The following CSMD1 variants were observed in gnomAD, a reference collection of about 807,000 sequenced individuals.
CSMD1 encodes CUB and Sushi multiple domains 1.
Under a neutral mutation model 417.5 loss-of-function variants are expected in CSMD1, and 213 were observed. The observed-to-expected ratio is 0.51, with a 90% confidence interval of 0.46 to 0.57. CSMD1 has a LOEUF of 0.57. Ranked by LOEUF, CSMD1 falls within the 20% of genes least tolerant of loss-of-function variation. CSMD1 has a pLI of 0.00. For missense variants in CSMD1, 6,923 were observed against 4,529.7 expected, an observed-to-expected ratio of 1.53 and a Z score of -15.17; for synonymous variants, 2,862 against 1,736.8, an observed-to-expected ratio of 1.65 and a Z score of -16.11.
At chr8:4,640,389 C>G (rs1767343370) in intron 1 of CSMD1, among the ~76,000 whole-genome samples, 1 of 152,100 alleles carries the variant, frequency 6.6e-6, no homozygotes, top group Non-Finnish European at 1.5e-5. Context: ...TATTATAAAG[C>G]CACCGTGATT....
At chr8:4,435,746 G>C (rs890690022) in intron 2 of CSMD1, among the ~76,000 whole-genome samples, 1 of 152,100 alleles carries the variant, frequency 6.6e-6, no homozygotes, top group South Asian at 2.1e-4. Context: ...TTGGCCATGT[G>C]GCTACAATAA....
At chr8:4,378,479 T>C (rs1466158708) in intron 3 of CSMD1, among the ~76,000 whole-genome samples, 2 of 152,192 alleles carry the variant, frequency 1.3e-5, no homozygotes, top group African/African-American at 4.8e-5. Flanking sequence ...TCCCTAGTTT[T>C]TATCCCCTTT....
intron 3 of CSMD1, among the ~76,000 whole-genome samples, chr8:4,182,818 C>G (rs1433065008): frequency 1.3e-5 from 2 of 152,006 alleles, no homozygotes; most frequent in East Asian, 3.9e-4. Context: ...TTAAAACATG[C>G]AATTATAAGG....
intron 50 of CSMD1, among the ~76,000 whole-genome samples, chr8:3,031,974 G>GTATA (rs60178259): frequency 0.26 from 38,268 of 146,444 alleles, 5,054 homozygotes; most frequent in East Asian, 0.32. Flanking sequence ...GTATGTGTGT[G>GTATA]TATATATATA....
intron 3 of CSMD1, among the ~76,000 whole-genome samples, chr8:4,315,727 T>C (rs1798884145): frequency 6.6e-6 from 1 of 152,174 alleles, no homozygotes; most frequent in Non-Finnish European, 1.5e-5. Context: ...GATTGAGCTG[T>C]GCAAAAAAGA....
chr8:3,293,472 G>A (rs34604061), intron 25 of CSMD1, among the ~76,000 whole-genome samples: 26,848 of 152,108 alleles, frequency 0.18, 2,880 homozygotes, highest in Non-Finnish European at 0.25. Flanking sequence ...CCAATCAGAC[G>A]TAGATTCGGT....
At chr8:4,904,012 C>A (rs997856040) in intron 1 of CSMD1, among the ~76,000 whole-genome samples, 1 of 152,004 alleles carries the variant, frequency 6.6e-6, no homozygotes, top group Non-Finnish European at 1.5e-5. Flanking sequence ...GTATTTATTT[C>A]TTTTATTTTA....
At chr8:3,792,369 T>C (rs1235197355) in intron 5 of CSMD1, among the ~76,000 whole-genome samples, 9 of 152,214 alleles carry the variant, frequency 5.9e-5, no homozygotes, top group Non-Finnish European at 1.0e-4. Flanking sequence ...ATTATGATCA[T>C]TAATGTAGCC....
rs552755110 is a variant in CSMD1 at position 3,777,872 on chromosome 8, C to T, written c.819-23830G>A. 6.9e-3 allele frequency among the ~76,000 whole-genome samples: 1,018 copies of T among 147,560 alleles called. 22 individuals carry two copies. The highest frequency in any genetic ancestry group is 0.024 in the African/African-American group (942 of 38,966). ...AGAGTCTCAGTTCCCACTCCAGACC[C>T]GCAGTCTCCTTGAAGCGCAGAGTCT... is the stretch of plus-strand genomic sequence containing the variant. On this transcript the variant is annotated intron_variant, in intron 5 of 69. Coordinates refer to ENST00000635120, the MANE Select transcript of CSMD1 (RefSeq NM_033225.6).
chr8:4,536,202 T>A (rs923858071), intron 2 of CSMD1, among the ~76,000 whole-genome samples: 1 of 152,196 alleles, frequency 6.6e-6, no homozygotes, highest in Non-Finnish European at 1.5e-5. Context: ...TTTTTAACGA[T>A]GCTTTTGCAT....
chr8:2,992,992 CA>C (rs916669589), intron 54 of CSMD1, among the ~76,000 whole-genome samples: 2 of 152,182 alleles, frequency 1.3e-5, no homozygotes, highest in African/African-American at 4.8e-5. Context: ...CTCAGCCTCC[CA>C]AAGTGCTGGG....
intron 7 of CSMD1, among the ~76,000 whole-genome samples, chr8:3,705,040 A>C (rs1801088229): frequency 1.3e-5 from 2 of 152,208 alleles, no homozygotes; most frequent in Non-Finnish European, 2.9e-5. Flanking sequence ...TTCTATCACC[A>C]TGACAGGGTC....
intron 5 of CSMD1, among the ~76,000 whole-genome samples, chr8:3,892,986 T>G (rs1814722271): frequency 6.6e-6 from 1 of 151,626 alleles, no homozygotes; most frequent in South Asian, 2.1e-4. Context: ...AAATATGACA[T>G]AACAATCATG....
chr8:3,566,486 G>A (rs368363893), intron 10 of CSMD1, among the ~76,000 whole-genome samples: 1 of 151,904 alleles, frequency 6.6e-6, no homozygotes, highest in East Asian at 1.9e-4. Flanking sequence ...AGCCCCTCCT[G>A]GTGTGCTGTC....
chr8:4,534,440 A>T (rs190891251), intron 2 of CSMD1, among the ~76,000 whole-genome samples: 1 of 152,062 alleles, frequency 6.6e-6, no homozygotes, highest in Non-Finnish European at 1.5e-5. Context: ...AGTATTTACA[A>T]CTCATTAATA....
At chr8:3,247,156 T>C (rs34020985) in intron 26 of CSMD1, among the ~76,000 whole-genome samples, 27,954 of 152,096 alleles carry the variant, frequency 0.18, 2,816 homozygotes, top group Admixed American at 0.22. Context: ...GTTTGTGGGA[T>C]GCAGGGCAAG....
intron 3 of CSMD1, among the ~76,000 whole-genome samples, chr8:4,418,803 C>T (rs764290240): frequency 7.2e-5 from 11 of 152,034 alleles, no homozygotes; most frequent in African/African-American, 1.9e-4. Flanking sequence ...TTGATAGTAA[C>T]GTACTTAAAG....
chr8:4,936,373 G>C (rs939460288), intron 1 of CSMD1, among the ~76,000 whole-genome samples: 4 of 152,146 alleles, frequency 2.6e-5, no homozygotes, highest in African/African-American at 9.7e-5. Flanking sequence ...GGTTTTTAGA[G>C]TGGGCAGCAG....
chr8:3,198,914 A>G (rs1231064953), intron 33 of CSMD1, among the ~76,000 whole-genome samples: 1 of 35,664 alleles, frequency 2.8e-5, no homozygotes, highest in African/African-American at 5.4e-5. Context: ...GAGACCTAGA[A>G]AAACTAAAAT....
Sources: allele counts gnomAD v4.1 joint callset (sites outside exome capture counted in the v4.1 genomes callset), GRCh38; gene constraint gnomAD v4.1.1; transcripts MANE v1.5; gene names NCBI Gene and HGNC (gene_info 2026-07-23, HGNC 2026-07-21).